Variants in TMTC3 observed in about 807,000 individuals in gnomAD.
The protein encoded by TMTC3 is transmembrane O-mannosyltransferase targeting cadherins 3.
Under a neutral mutation model 92.2 loss-of-function variants are expected in TMTC3, and 52 were observed. That is an observed-to-expected ratio of 0.56 (90% CI 0.45 to 0.71). The LOEUF (loss-of-function observed/expected upper bound fraction) is 0.71, where lower values mean the gene tolerates loss of function less well. Among genes scored for constraint, TMTC3 ranks in the 30% least tolerant of loss-of-function variants. TMTC3 has a pLI of 0.00. For missense variants in TMTC3, 896 were observed against 1,057.1 expected, an observed-to-expected ratio of 0.85 and a Z score of 2.11; for synonymous variants, 339 against 363.3, an observed-to-expected ratio of 0.93 and a Z score of 0.76.
Position 88,144,507 on chromosome 12 carries a change from C to T in TMTC3, c.-29+2020C>T, listed in dbSNP as rs114991085. On this transcript the variant is annotated intron_variant, in intron 1 of 13. Transcript: ENST00000266712. ...CTACCCTTCTGCCACCACCCTCTTG[C>T]TCACATTCATAAACTCAAGGTGCCT... is the stretch of plus-strand genomic sequence containing the variant. Among the ~76,000 whole-genome samples, 857 of 152,182 alleles carry T rather than the reference C, an allele frequency of 5.6e-3. 14 individuals carry two copies. The highest frequency in any genetic ancestry group is 0.019 in the African/African-American group (803 of 41,530).
intron 10 of TMTC3, among the ~76,000 whole-genome samples, chr12:88,182,133 A>G (rs1423027050): frequency 1.3e-5 from 2 of 152,214 alleles, no homozygotes; most frequent in Admixed American, 6.5e-5. Context: ...AGGTGACTTT[A>G]CTAACTAGCT....
intron 10 of TMTC3, among the ~76,000 whole-genome samples, chr12:88,177,774 G>GA (rs2041276071): frequency 6.6e-6 from 1 of 152,194 alleles, no homozygotes; most frequent in Admixed American, 6.5e-5. Context: ...CAGAGTGTCA[G>GA]ACACTGTTGT....
chr12:88,160,963 C>T (rs1184511196), intron 6 of TMTC3, 112 bp downstream of exon 6: 1 of 1,118,030 alleles, frequency 8.9e-7, no homozygotes. Context: ...TTTTATTAAG[C>T]TATAATTAAC....
intron 2 of TMTC3, among the ~76,000 whole-genome samples, chr12:88,149,011 G>A (rs2040909677): frequency 6.6e-6 from 1 of 152,012 alleles, no homozygotes; most frequent in Non-Finnish European, 1.5e-5. Context: ...AAAGAGATGT[G>A]ATATATTTCA....
At chr12:88,150,338 T>G (rs924250480) in intron 2 of TMTC3, among the ~76,000 whole-genome samples, 4 of 152,060 alleles carry the variant, frequency 2.6e-5, no homozygotes, top group African/African-American at 7.2e-5. Context: ...TGCTAAACCA[T>G]TCATAGGAAA....
rs773112141 is a variant in TMTC3 at position 88,194,833 on chromosome 12, T to C, written c.1934-5T>C. ...ATATATTTTTTCTTTAAAAAAACTTTCTAGGTGAGGTTAAACTCAGACCTG... is the reference window on the plus strand; with the variant it reads ...ATATATTTTTTCTTTAAAAAAACTTCCTAGGTGAGGTTAAACTCAGACCTG... On this transcript the variant is annotated splice_polypyrimidine_tract_variant and splice_region_variant and intron_variant, in intron 13 of 13. Coordinates refer to ENST00000266712, the MANE Select transcript of TMTC3 (RefSeq NM_181783.4). 2 of 1,514,222 alleles carry C rather than the reference T, an allele frequency of 1.3e-6. No homozygotes were observed. Among genetic ancestry groups the C allele is most frequent in the South Asian group, 2.8e-5 (2 of 72,154 alleles). The allele number at this position is 1,514,222 out of a possible 1,614,324, so 93.8% of individuals were successfully genotyped here.
Position 88,148,298 on chromosome 12 carries a change from G to T in TMTC3, c.-18G>T. 6.3e-7 allele frequency: 1 copy of T among 1,582,430 alleles called. No individual in the cohort carries two copies. Among genetic ancestry groups the T allele is most frequent in the Non-Finnish European group, 8.6e-7 (1 of 1,163,710 alleles). On this transcript the variant is annotated 5_prime_UTR_variant, in exon 2 of 14. Coordinates refer to ENST00000266712, the MANE Select transcript of TMTC3 (RefSeq NM_181783.4). ...TGATTTTTTTTCCAGTTTTTGTCCA[G>T]AAGTGCTTATAGAAAAGATGGCTAA...
chr12:88,183,585 C>T (rs777049002), intron 10 of TMTC3, among the ~76,000 whole-genome samples: 28 of 152,072 alleles, frequency 1.8e-4, no homozygotes, highest in Non-Finnish European at 3.2e-4. Flanking sequence ...AGGTAGGTGA[C>T]GGTTTCTCCT....
chr12:88,145,679 G>A (rs1395827830), intron 1 of TMTC3, among the ~76,000 whole-genome samples: 2 of 152,156 alleles, frequency 1.3e-5, no homozygotes. Flanking sequence ...AAGAGAAAAA[G>A]AGCAGAGAGG....
chr12:88,152,595 AG>A (rs901537326), intron 2 of TMTC3, among the ~76,000 whole-genome samples: 1 of 152,224 alleles, frequency 6.6e-6, no homozygotes, highest in African/African-American at 2.4e-5. Context: ...GTTTTGTGTT[AG>A]GGAAAGAAGT....
Position 88,148,494 on chromosome 12 carries a change from C to A in TMTC3, c.179C>A (p.Pro60His). The change falls in exon 2 of 14, where the codon CCT becomes CAT. Residue 60 changes from proline (P) to histidine (H), a missense_variant. Pro to His is a moderately conservative substitution (Grantham distance 77, BLOSUM62 -2). Transcript: ENST00000266712. Reference protein sequence around the residue: ...TLFQNDFWGTPMSEERSHKSY... With the variant: ...TLFQNDFWGTHMSEERSHKSY... ...TTTCAAAATGACTTCTGGGGAACCC[C>A]TATGTCTGAGGTAAGTAATTACTTA... 1 of 1,604,898 alleles carries A rather than the reference C, an allele frequency of 6.2e-7. No homozygotes were observed. Among genetic ancestry groups the A allele is most frequent in the Non-Finnish European group, 8.5e-7 (1 of 1,175,198 alleles).
chr12:88,179,237 G>T (rs756813527), intron 10 of TMTC3, among the ~76,000 whole-genome samples: 9 of 152,040 alleles, frequency 5.9e-5, no homozygotes, highest in Non-Finnish European at 8.8e-5. Context: ...TTCCTAGATG[G>T]GTTTGACAGA....
intron 7 of TMTC3, 151 bp downstream of exon 7, chr12:88,166,733 A>G (rs2041147805): frequency 1.1e-6 from 1 of 874,674 alleles, no homozygotes; most frequent in South Asian, 1.9e-5. Flanking sequence ...GTTTATCCCA[A>G]AATTCTCAGT....
intron 13 of TMTC3, 43 bp downstream of exon 13, chr12:88,192,873 TATAATATA>T (rs1204545442): frequency 6.7e-7 from 1 of 1,490,166 alleles, no homozygotes; most frequent in East Asian, 2.5e-5. Context: ...AATTGTAGTT[TATAATATA>T]ATAAGACCTT....
Position 88,198,604 on chromosome 12 carries a change from G to GTGTT in TMTC3, c.*2961_*2964dup, listed in dbSNP as rs748873791. ...ATAACGTATTTTGCTTTTCAATTTT[G>GTGTT]TGTTTGTTTACTTTTATGTAAAAAT... is the stretch of plus-strand genomic sequence containing the variant. On this transcript the variant is annotated 3_prime_UTR_variant, in exon 14 of 14. Transcript: ENST00000266712. 2.3e-5 allele frequency: 9 copies of GTGTT among 390,832 alleles called. No individual in the cohort carries two copies. Among genetic ancestry groups the GTGTT allele is most frequent in the African/African-American group, 1.6e-4 (8 of 48,518 alleles). The allele number at this position is 390,832 out of a possible 1,614,324, so 24.2% of individuals were successfully genotyped here.
intron 11 of TMTC3, 57 bp downstream of exon 11, chr12:88,189,003 G>C (rs2041410054): frequency 2.3e-6 from 2 of 885,352 alleles, no homozygotes; most frequent in East Asian, 5.4e-5. Flanking sequence ...ATATTGAATA[G>C]AATTATCTAG....
intron 1 of TMTC3, among the ~76,000 whole-genome samples, chr12:88,145,776 G>A (rs373112555): frequency 1.6e-4 from 25 of 152,288 alleles, no homozygotes; most frequent in Middle Eastern, 3.4e-3. Flanking sequence ...TACCTGTGGA[G>A]ATATTTAACA....
At chr12:88,167,056 G>T in intron 7 of TMTC3, among the ~76,000 whole-genome samples, 1 of 140,762 alleles carries the variant, frequency 7.1e-6, no homozygotes, top group Admixed American at 7.5e-5. Flanking sequence ...TTCTTACCCT[G>T]TGTCACTTCA....
chr12:88,156,590 G>C (rs977329179), intron 4 of TMTC3, among the ~76,000 whole-genome samples: 3 of 151,996 alleles, frequency 2.0e-5, no homozygotes, highest in African/African-American at 2.4e-5. Context: ...GAAGTGCTCT[G>C]CTTTTACCTC....
Sources: gnomAD v4.1 joint callset for allele counts (sites outside exome capture counted in the v4.1 genomes callset) on GRCh38, gnomAD v4.1.1 for gene constraint, MANE v1.5 for transcripts, NCBI Gene and HGNC (gene_info 2026-07-23, HGNC 2026-07-21) for gene names.